NINL: variants seen among roughly 807,000 people sequenced by gnomAD.
The protein encoded by NINL is ninein like, also known as ninein-like protein.
NINL carries 153 observed loss-of-function variants against 160.3 expected under a neutral mutation model. The ratio of observed to expected loss-of-function variants is 0.95; its 90% CI spans 0.84 to 1.09. The LOEUF (loss-of-function observed/expected upper bound fraction) is 1.09, where lower values mean the gene tolerates loss of function less well. Ranked by LOEUF, NINL falls within the 50% of genes least tolerant of loss-of-function variation. The pLI, the probability that NINL is intolerant of heterozygous loss-of-function variation, is 0.00. For synonymous variants in NINL, 800 were observed against 734.8 expected (o/e 1.09, Z -1.43); for missense variants, 1,829 against 1,764.0 (o/e 1.04, Z -0.66).
chr20:25,562,205 G>A (rs187466837), intron 1 of NINL, among the ~76,000 whole-genome samples: 1,689 of 94,098 alleles, frequency 0.018, no homozygotes, highest in African/African-American at 0.052. Flanking sequence ...CAGCCGCCCC[G>A]TCCGGGAGGT....
chr20:25,499,249 C>T (rs1448047306), intron 8 of NINL: 5 of 985,148 alleles, frequency 5.1e-6, no homozygotes, highest in Non-Finnish European at 6.0e-6. Context: ...ACACGCTCCC[C>T]ACCACGTCAC....
Position 25,453,433 on chromosome 20 carries a change from C to A in NINL, c.*18G>T. 6.4e-7 allele frequency: 1 copy of A among 1,573,706 alleles called. No homozygotes were observed. The highest frequency in any genetic ancestry group is 1.2e-5 in the South Asian group (1 of 85,518). Reference sequence around the variant, plus strand: ...TAAAAGATGTGCTTTCGAATGAATCCTAGAAAATAATCTGTCTTTACACAG... The same window carrying A: ...TAAAAGATGTGCTTTCGAATGAATCATAGAAAATAATCTGTCTTTACACAG... On this transcript the variant is annotated 3_prime_UTR_variant, in exon 24 of 24. Coordinates refer to ENST00000278886, the MANE Select transcript of NINL (RefSeq NM_025176.6).
At chr20:25,496,210 C>T (rs1045949634) in intron 10 of NINL, among the ~76,000 whole-genome samples, 39 of 152,212 alleles carry the variant, frequency 2.6e-4, no homozygotes, top group African/African-American at 9.4e-4. Context: ...AGCCACTGTT[C>T]CACACAACTG....
At position 25,453,473 on chromosome 20, in the gene NINL, G is replaced by A. The variant is rs760971731; in HGVS notation, c.4127C>T (p.Ala1376Val). The stretch of plus-strand genomic sequence containing the variant: ...TCTTTACACAGAGAGGGCTGCGGGG[G>A]CAATCCTACTGACGAGTTTGTTGAG... ...RALNKLVSRI[A>V]PAALSV Residue 1376 changes from alanine to valine, a missense_variant, in exon 24 of 24, where the codon GCC becomes GTC. Transcript: ENST00000278886. 3.7e-6 allele frequency: 6 copies of A among 1,611,536 alleles called. No homozygotes were observed. The highest frequency in any genetic ancestry group is 8.5e-7 in the Non-Finnish European group (1 of 1,178,914).
rs114885907 is a variant in NINL, at chr20:25,462,300, G to A, written c.3582+83C>T. The A allele has an allele frequency of 3.2e-4, 431 of 1,329,212 alleles. 2 individuals carry two copies. In the African/African-American group the frequency reaches 5.9e-3, roughly 18 times the overall value. 82.3% of individuals were successfully genotyped at this position (1,329,212 alleles called of 1,614,324 possible). ...CTCACTTCCCTCCAGGCTCCTCAGC[G>A]CGTGTCCTGACCTATTTGCAGCCGC... On this transcript the variant is annotated intron_variant, in intron 20 of 23. Coordinates refer to ENST00000278886, the MANE Select transcript of NINL (RefSeq NM_025176.6).
Position 25,479,195 on chromosome 20 carries a change from G to C in NINL, c.1929C>G (p.Tyr643Ter). ...TTTTCAGTGCCGCAATTTCCCTTTC[G>C]TAGTAATTTACCTAAAACGAGAAAC... ...RTQLETKVNY[Y>*]EREIAALKRN... The change falls in exon 16 of 24, where the codon TAC becomes TAG. Residue 643 changes from tyrosine to a stop codon, truncating the protein, a stop_gained. Coordinates refer to ENST00000278886, the MANE Select transcript of NINL (RefSeq NM_025176.6). LOFTEE classifies it high-confidence loss of function. 1 of 1,605,908 alleles carries C rather than the reference G, an allele frequency of 6.2e-7. No individual in the cohort carries two copies. The highest frequency in any genetic ancestry group is 8.5e-7 in the Non-Finnish European group (1 of 1,174,718).
chr20:25,479,045 C>T lies in NINL; in HGVS notation c.2079G>A (p.Leu693=), dbSNP rs151185504. The change falls in exon 16 of 24, where the codon CTG becomes CTA. Residue 693 remains leucine (L), a synonymous_variant. Coordinates refer to ENST00000278886, the MANE Select transcript of NINL (RefSeq NM_025176.6). The part of the protein sequence containing the change: ...HEKSQEVIWG[L]QEQLQDTARG... ...GGGCTGTGTCCTGCAGCTGCTCCTG[C>T]AGGCCCCAGATGACCTCCTGAGACT... 6.2e-7 allele frequency: 1 copy of T among 1,611,606 alleles called. No homozygotes were observed. Among genetic ancestry groups the T allele is most frequent in the Non-Finnish European group, 8.5e-7 (1 of 1,180,032 alleles).
intron 17 of NINL, among the ~76,000 whole-genome samples, chr20:25,471,460 G>A (rs1477576322): frequency 6.6e-6 from 1 of 152,094 alleles, no homozygotes; most frequent in African/African-American, 2.4e-5. Context: ...CTAGAATGGA[G>A]AACAAGTTGA....
intron 5 of NINL, chr20:25,509,695 T>A (rs1242020363): frequency 4.4e-6 from 2 of 456,644 alleles, no homozygotes; most frequent in Admixed American, 2.3e-5. Context: ...CTTTCTTCAC[T>A]CTTGCAGGCA....
chr20:25,472,850 C>T (rs368448496), intron 17 of NINL, among the ~76,000 whole-genome samples: 3 of 152,288 alleles, frequency 2.0e-5, no homozygotes, highest in African/African-American at 7.2e-5. Flanking sequence ...AAAACTATGC[C>T]TATACCCACA....
Position 25,462,367 on chromosome 20 carries a change from G to GTGGA in NINL, c.3582+15_3582+16insTCCA. On this transcript the variant is annotated intron_variant, in intron 20 of 23. Transcript: ENST00000278886. Reference sequence around the variant, plus strand: ...CCCAGCCTCCAGCTCAGCTCCCTGCGGCTGAGGCCACCCACCTGCTGCTGC... The same window carrying GTGGA: ...CCCAGCCTCCAGCTCAGCTCCCTGCGTGGAGCTGAGGCCACCCACCTGCTGCTGC... The GTGGA allele has an allele frequency of 6.2e-7, 1 of 1,611,248 alleles. No homozygotes were observed. Among genetic ancestry groups the GTGGA allele is most frequent in the South Asian group, 1.1e-5 (1 of 90,728 alleles).
At chr20:25,507,890 C>A (rs1298949822) in intron 5 of NINL, among the ~76,000 whole-genome samples, 1 of 152,202 alleles carries the variant, frequency 6.6e-6, no homozygotes. Context: ...TCGGGCAAGT[C>A]CTCTGAGCTT....
intron 19 of NINL, among the ~76,000 whole-genome samples, chr20:25,465,656 C>T (rs1402680600): frequency 6.6e-6 from 1 of 152,182 alleles, no homozygotes; most frequent in East Asian, 1.9e-4. Context: ...CATCACAGAG[C>T]AGGGACGGCC....
chr20:25,546,288 G>A (rs1432096742), intron 1 of NINL, among the ~76,000 whole-genome samples: 1 of 152,074 alleles, frequency 6.6e-6, no homozygotes, highest in Non-Finnish European at 1.5e-5. Flanking sequence ...TCCCCCAGGT[G>A]GATTCTGACT....
rs1326004682 is a variant in NINL, at chr20:25,453,519, A to C, written c.4081T>G (p.Leu1361Val). ...QRGAEKQSRLLEEKVRALNKL... is the reference protein window; with the variant it reads ...QRGAEKQSRLVEEKVRALNKL... ...TTGAGAGCGCGAACTTTTTCTTCCA[A>C]GAGGCGGCTTTGTTTCTCGGCGCCT... Residue 1361 changes from leucine to valine, a missense_variant, in exon 24 of 24, where the codon TTG (leucine) becomes GTG (valine). Physicochemically the swap from Leu to Val is conservative, Grantham distance 32 (BLOSUM62 1). Transcript: ENST00000278886. 1 of 1,613,982 alleles carries C rather than the reference A, an allele frequency of 6.2e-7. No individual in the cohort carries two copies. The highest frequency in any genetic ancestry group is 8.5e-7 in the Non-Finnish European group (1 of 1,179,940).
At chr20:25,565,756 G>A (rs1488098005) in intron 1 of NINL, among the ~76,000 whole-genome samples, 6 of 152,142 alleles carry the variant, frequency 3.9e-5, no homozygotes, top group African/African-American at 1.2e-4. Flanking sequence ...ACTAGGTGGG[G>A]AAGATTTACC....
At chr20:25,498,870 G>A in intron 8 of NINL, 1 of 981,318 alleles carries the variant, frequency 1.0e-6, no homozygotes, top group Non-Finnish European at 1.2e-6. Flanking sequence ...ACAGAAATGT[G>A]AAGAATACAC....
chr20:25,530,512 C>T (rs763197780), intron 1 of NINL, among the ~76,000 whole-genome samples: 3 of 152,078 alleles, frequency 2.0e-5, no homozygotes, highest in Non-Finnish European at 4.4e-5. Flanking sequence ...AGGGGAGTAT[C>T]GGGGAAAATT....
chr20:25,473,535 A>C (rs1224213079), intron 17 of NINL, among the ~76,000 whole-genome samples: 1 of 151,676 alleles, frequency 6.6e-6, no homozygotes, highest in East Asian at 1.9e-4. Flanking sequence ...AAATAAAACA[A>C]AGTGGCCAGG....
Sources: allele counts gnomAD v4.1 joint callset (sites outside exome capture counted in the v4.1 genomes callset), GRCh38; gene constraint gnomAD v4.1.1; transcripts MANE v1.5; gene names NCBI Gene and HGNC (gene_info 2026-07-23, HGNC 2026-07-21).